The following PCDHA4 variants were observed in gnomAD, a reference collection of about 807,000 sequenced individuals.
PCDHA4 encodes protocadherin alpha-4.
Under a neutral mutation model 61.4 loss-of-function variants are expected in PCDHA4, and 49 were observed. The ratio of observed to expected loss-of-function variants is 0.80; its 90% CI spans 0.63 to 1.01. The LOEUF (loss-of-function observed/expected upper bound fraction) is 1.01. Among genes scored for constraint, PCDHA4 ranks in the 50% least tolerant of loss-of-function variants. The probability of loss-of-function intolerance (pLI) is 0.00; values close to 1 mark genes in which losing one functional copy is unlikely to be tolerated. For missense variants in PCDHA4, 1,254 were observed against 1,235.8 expected (o/e 1.01, Z -0.22); for synonymous variants, 590 against 550.3 (o/e 1.07, Z -1.01).
chr5:140,927,814 G>GCATA (rs1554205103), intron 1 of PCDHA4: 1 of 1,614,172 alleles, frequency 6.2e-7, no homozygotes, highest in Non-Finnish European at 8.5e-7. Context: ...GCTCTTGGAG[G>GCATA]CATACATTGA....
intron 1 of PCDHA4, chr5:140,870,813 C>A: frequency 3.7e-6 from 6 of 1,613,700 alleles, no homozygotes; most frequent in Non-Finnish European, 5.1e-6. Context: ...CTCAGGCTGG[C>A]AGCGCGGGAG....
chr5:140,987,936 T>C lies in PCDHA4; in HGVS notation c.2533+5373T>C, dbSNP rs80117115. Among the ~76,000 whole-genome samples the C allele has an allele frequency of 7.9e-3, 1,205 of 152,348 alleles. 20 individuals are homozygous for C. Among genetic ancestry groups the C allele is most frequent in the African/African-American group, 0.027 (1,136 of 41,570 alleles). On this transcript the variant is annotated intron_variant, in intron 3 of 3. Coordinates refer to ENST00000530339, the MANE Select transcript of PCDHA4 (RefSeq NM_018907.4). ...TATTCTTAATTGTCTCAAGGATTCT[T>C]ACCTGTCTGACAAAACCAACTCCCC...
chr5:140,884,628 G>A (rs2153405760), intron 1 of PCDHA4: 3 of 1,612,722 alleles, frequency 1.9e-6, no homozygotes, highest in Non-Finnish European at 2.5e-6. Context: ...GAGGGAACAG[G>A]CCAGAGGGAG....
intron 1 of PCDHA4, among the ~76,000 whole-genome samples, chr5:140,952,559 G>A (rs1185999097): frequency 6.6e-6 from 1 of 152,108 alleles, no homozygotes; most frequent in Non-Finnish European, 1.5e-5. Flanking sequence ...TTCACTATCA[G>A]CACTTCGGTC....
chr5:140,829,694 G>A (rs1262192253), intron 1 of PCDHA4: 1 of 1,613,324 alleles, frequency 6.2e-7, no homozygotes, highest in Non-Finnish European at 8.5e-7. Flanking sequence ...GCAGTTTCAG[G>A]TGAGCGCGCG....
chr5:140,829,308 C>T (rs2150165692), intron 1 of PCDHA4: 15 of 1,614,240 alleles, frequency 9.3e-6, no homozygotes, highest in East Asian at 2.2e-5. Flanking sequence ...AATTACTACT[C>T]GTTGGTGCTG....
chr5:140,823,814 G>T (rs2150129341), intron 1 of PCDHA4: 1 of 1,613,762 alleles, frequency 6.2e-7, no homozygotes, highest in Non-Finnish European at 8.5e-7. Context: ...GCCTCATCGC[G>T]GGCGTCGGCG....
chr5:140,855,941 C>A, intron 1 of PCDHA4: 1 of 1,328,220 alleles, frequency 7.5e-7, no homozygotes, highest in South Asian at 1.4e-5. Flanking sequence ...TCTGAGATCT[C>A]AGCCATTTCG....
chr5:140,876,466 G>C, intron 1 of PCDHA4: 1 of 1,614,018 alleles, frequency 6.2e-7, no homozygotes, highest in Non-Finnish European at 8.5e-7. Flanking sequence ...TTCCATGGCA[G>C]GTCACAGCAT....
rs1445142594 is a variant in PCDHA4 at position 140,808,586 on chromosome 5, A to C, written c.1399A>C (p.Asn467His). 3 of 1,613,900 alleles carry C rather than the reference A, an allele frequency of 1.9e-6. No individual in the cohort carries two copies. In the African/African-American group the frequency reaches 4.0e-5, roughly 22 times the overall value. Residue 467 changes from asparagine (N) to histidine (H), a missense_variant, in exon 1 of 4, where the codon AAC (asparagine) becomes CAC (histidine). Physicochemically the swap from Asn to His is moderately conservative, Grantham distance 68. Transcript: ENST00000530339. Reference protein sequence around the residue: ...QPEYTVFVKENNPPGCHIFTV... With the variant: ...QPEYTVFVKEHNPPGCHIFTV... ...CGAGTACACAGTGTTCGTGAAGGAG[A>C]ACAACCCGCCGGGCTGCCACATCTT...
chr5:140,939,613 A>T (rs2092423002), intron 1 of PCDHA4, among the ~76,000 whole-genome samples: 1 of 152,232 alleles, frequency 6.6e-6, no homozygotes, highest in African/African-American at 2.4e-5. Context: ...CAGAACAAGG[A>T]GACAAAAGAA....
intron 1 of PCDHA4, among the ~76,000 whole-genome samples, chr5:140,937,771 G>T (rs558321540): frequency 6.6e-6 from 1 of 151,436 alleles, no homozygotes; most frequent in Non-Finnish European, 1.5e-5. Context: ...AATTAGTCGG[G>T]CGTGGTGGCG....
intron 1 of PCDHA4, chr5:140,866,231 A>G (rs1467927263): frequency 1.3e-5 from 2 of 152,172 alleles, no homozygotes; most frequent in Non-Finnish European, 2.9e-5. Context: ...ACTAAATACT[A>G]TATACCAAAA....
At chr5:140,990,314 C>G (rs1295117014) in intron 3 of PCDHA4, among the ~76,000 whole-genome samples, 1 of 152,094 alleles carries the variant, frequency 6.6e-6, no homozygotes, top group East Asian at 1.9e-4. Flanking sequence ...AAAAAACCAA[C>G]CAAACAAACT....
At chr5:140,875,738 G>C (rs1197047985) in intron 1 of PCDHA4, 1 of 1,614,204 alleles carries the variant, frequency 6.2e-7, no homozygotes, top group Non-Finnish European at 8.5e-7. Context: ...GTGAATTCTC[G>C]GATCGACCGC....
At chr5:140,880,493 T>C (rs910431574) in intron 1 of PCDHA4, among the ~76,000 whole-genome samples, 31 of 152,204 alleles carry the variant, frequency 2.0e-4, no homozygotes, top group African/African-American at 7.2e-4. Context: ...AAGAGAGCAA[T>C]TGAATTTCTG....
chr5:140,873,995 G>A (rs1218409385), intron 1 of PCDHA4, among the ~76,000 whole-genome samples: 9 of 152,284 alleles, frequency 5.9e-5, no homozygotes, highest in African/African-American at 2.2e-4. Context: ...AGCATGTATG[G>A]TACATTGACC....
chr5:140,926,783 C>G lies in PCDHA4; in HGVS notation c.2386-52166C>G, dbSNP rs1230665699. 5.0e-6 allele frequency: 7 copies of G among 1,410,188 alleles called. No homozygotes were observed. The African/African-American group carries it at 7.3e-5, about 15-fold the overall frequency. The allele number at this position is 1,410,188 out of a possible 1,614,324, so 87.4% of individuals were successfully genotyped here. On this transcript the variant is annotated intron_variant, in intron 1 of 3. Transcript: ENST00000530339. The stretch of plus-strand genomic sequence containing the variant: ...GTATCCAGCCCGCAGCAGTGACGGC[C>G]GGCAGGAGCGTGCTCTTCCCCGCGG...
intron 1 of PCDHA4, chr5:140,881,502 A>G: frequency 1.2e-5 from 3 of 249,864 alleles, no homozygotes; most frequent in Non-Finnish European, 1.9e-5. Context: ...ACATACACAC[A>G]CTCACATACA....
Sources: allele counts gnomAD v4.1 joint callset (sites outside exome capture counted in the v4.1 genomes callset), GRCh38; gene constraint gnomAD v4.1.1; transcripts MANE v1.5; gene names NCBI Gene and HGNC (gene_info 2026-07-23, HGNC 2026-07-21).